The following B4GALT1 variants were observed in gnomAD, a reference collection of about 807,000 sequenced individuals.
The protein encoded by B4GALT1 is N-acetyllactosamine synthase.
Under a neutral mutation model 34.9 loss-of-function variants are expected in B4GALT1, and 16 were observed. That is an observed-to-expected ratio of 0.46 (90% CI 0.31 to 0.70). The LOEUF is 0.70. B4GALT1 is among the 30% of genes least tolerant of loss of function. The probability of loss-of-function intolerance (pLI) is 0.05; values close to 1 mark genes in which losing one functional copy is unlikely to be tolerated. For synonymous variants in B4GALT1, 221 were observed against 218.1 expected (o/e 1.01, Z -0.12); for missense variants, 445 against 530.5 (o/e 0.84, Z 1.58).
chr9:33,157,654 T>C lies in B4GALT1; in HGVS notation c.412+9104A>G, dbSNP rs76671102. On this transcript the variant is annotated intron_variant, in intron 1 of 5. Transcript: ENST00000379731. ...GCTCTGTTACAGAAGTGGGAGCATG[T>C]TCTGTTACAATGGTAAGTAGAATTT... is the stretch of plus-strand genomic sequence containing the variant. Among the ~76,000 whole-genome samples, 1,777 of 152,294 alleles carry C rather than the reference T, an allele frequency of 0.012. 58 individuals are homozygous for C. In the East Asian group the frequency reaches 0.12, roughly 10 times the overall value.
chr9:33,156,480 T>C (rs1045867936), intron 1 of B4GALT1, among the ~76,000 whole-genome samples: 1 of 152,180 alleles, frequency 6.6e-6, no homozygotes, highest in Non-Finnish European at 1.5e-5. Flanking sequence ...TCTAAAATCA[T>C]TCCATCATTT....
At chr9:33,163,411 C>A (rs545062898) in intron 1 of B4GALT1, among the ~76,000 whole-genome samples, 18 of 152,344 alleles carry the variant, frequency 1.2e-4, no homozygotes, top group African/African-American at 4.3e-4. Flanking sequence ...TGAAGAGGAT[C>A]TCCTCAAAGC....
chr9:33,108,529 G>A (rs1296621995), downstream of B4GALT1, among the ~76,000 whole-genome samples: 1 of 151,902 alleles, frequency 6.6e-6, no homozygotes, highest in Non-Finnish European at 1.5e-5. Context: ...CATGGTCACA[G>A]AATAAGAGGC....
intron 2 of B4GALT1, among the ~76,000 whole-genome samples, chr9:33,125,993 C>T (rs188360584): frequency 3.4e-4 from 51 of 152,168 alleles, no homozygotes; most frequent in Non-Finnish European, 5.7e-4. Flanking sequence ...AGCCAAGACT[C>T]GCAATGAGTC....
the B4GALT1 span, among the ~76,000 whole-genome samples, chr9:33,175,183 G>A: frequency 6.7e-6 from 1 of 149,588 alleles, no homozygotes; most frequent in South Asian, 2.1e-4. Flanking sequence ...ACATGGTGGT[G>A]CATACCTGTA....
At chr9:33,134,956 G>A (rs1489822623) in intron 2 of B4GALT1, among the ~76,000 whole-genome samples, 1 of 152,190 alleles carries the variant, frequency 6.6e-6, no homozygotes, top group African/African-American at 2.4e-5. Flanking sequence ...AACAAAAACA[G>A]AACAACGAAA....
intron 1 of B4GALT1, among the ~76,000 whole-genome samples, chr9:33,138,538 A>T (rs955314104): frequency 1.3e-5 from 2 of 152,164 alleles, no homozygotes; most frequent in Non-Finnish European, 2.9e-5. Context: ...AGAGGTGGAA[A>T]GAAGCCTTGA....
chr9:33,121,735 A>C (rs926077382), intron 2 of B4GALT1, among the ~76,000 whole-genome samples: 8 of 152,074 alleles, frequency 5.3e-5, no homozygotes, highest in Non-Finnish European at 7.4e-5. Context: ...AGTTCCTTGA[A>C]GACTGCTTCT....
Position 33,166,768 on chromosome 9 carries a change from G to GGACTCCTCAGGGCAGGCGGGCAGC in B4GALT1, c.378_401dup (p.Leu127_Ser134dup). 2 of 1,509,308 alleles carry GGACTCCTCAGGGCAGGCGGGCAGC rather than the reference G, an allele frequency of 1.3e-6. No individual in the cohort carries two copies. The highest frequency in any genetic ancestry group is 1.8e-6 in the Non-Finnish European group (2 of 1,135,884). 93.5% of individuals were successfully genotyped at this position (1,509,308 alleles called of 1,614,324 possible). A position where few individuals can be genotyped will look rare whatever the true frequency, so the allele number is the denominator to read the frequency against. The stretch of plus-strand genomic sequence containing the variant: ...GACCCGAGTCCTTACCAAGCAGCGG[G>GGACTCCTCAGGGCAGGCGGGCAGC]GACTCCTCAGGGCAGGCGGGCAGCG... On this transcript the variant is annotated inframe_insertion, in exon 1 of 6. Transcript: ENST00000379731.
chr9:33,181,263 TA>T, the B4GALT1 span, among the ~76,000 whole-genome samples: 1 of 151,852 alleles, frequency 6.6e-6, no homozygotes, highest in South Asian at 2.1e-4. Flanking sequence ...CTATTAAAAA[TA>T]AAAAAAATTA....
At chr9:33,173,591 G>GGTGTGTGTGTGT in the B4GALT1 span, among the ~76,000 whole-genome samples, 2,176 of 143,108 alleles carry the variant, frequency 0.015, 30 homozygotes, top group Non-Finnish European at 0.02. Flanking sequence ...AAATAAGAAT[G>GGTGTGTGTGTGT]GTGTGTGTGT....
Position 33,167,192 on chromosome 9 carries a change from G to A in B4GALT1, c.-23C>T. ...CATCTTCCCGCCGCCGCTTTAAGAA[G>A]GGTGTGGGCTACAGGAGGGGAGGCG... is the stretch of plus-strand genomic sequence containing the variant. On this transcript the variant is annotated 5_prime_UTR_variant, in exon 1 of 6. Transcript: ENST00000379731. The A allele has an allele frequency of 1.9e-6, 3 of 1,587,506 alleles. No individual in the cohort carries two copies. The highest frequency in any genetic ancestry group is 2.6e-6 in the Non-Finnish European group (3 of 1,169,024).
chr9:33,151,797 G>A (rs1023689789), intron 1 of B4GALT1, among the ~76,000 whole-genome samples: 11 of 152,112 alleles, frequency 7.2e-5, no homozygotes, highest in Non-Finnish European at 1.5e-4. Flanking sequence ...AAAACTCTGG[G>A]ACCTTAAAGG....
intron 1 of B4GALT1, among the ~76,000 whole-genome samples, chr9:33,156,912 AAACC>A (rs1840601681): frequency 6.6e-6 from 1 of 152,230 alleles, no homozygotes; most frequent in African/African-American, 2.4e-5. Flanking sequence ...TACTTTCTGT[AAACC>A]AACTTGGCAA....
chr9:33,168,412 T>G (rs543357278), upstream of B4GALT1, among the ~76,000 whole-genome samples: 6 of 152,176 alleles, frequency 3.9e-5, no homozygotes, highest in Non-Finnish European at 8.8e-5. Context: ...GTCAGTAATG[T>G]GGATAGGGAA....
downstream of B4GALT1, among the ~76,000 whole-genome samples, chr9:33,109,573 C>T (rs913646326): frequency 5.3e-5 from 8 of 152,148 alleles, no homozygotes; most frequent in Admixed American, 4.6e-4. Flanking sequence ...TAAGTTGTGG[C>T]GGGAGGATTG....
chr9:33,130,624 G>A (rs1347670135), intron 2 of B4GALT1, among the ~76,000 whole-genome samples: 1 of 149,214 alleles, frequency 6.7e-6, no homozygotes, highest in African/African-American at 2.5e-5. Context: ...GTGGTTAACA[G>A]CTTACTATAG....
At chr9:33,108,885 G>T (rs375456079), downstream of B4GALT1, 1 of 143,302 alleles carries the variant, frequency 7.0e-6, no homozygotes, top group African/African-American at 2.5e-5. Context: ...AGCAATAGGA[G>T]AATTTTTTGT....
chr9:33,164,220 C>G (rs1258004099), intron 1 of B4GALT1, among the ~76,000 whole-genome samples: 2 of 152,224 alleles, frequency 1.3e-5, no homozygotes, highest in Admixed American at 1.3e-4. Context: ...GGCCACAACT[C>G]TAAACCCCAC....
Sources: allele counts gnomAD v4.1 joint callset (sites outside exome capture counted in the v4.1 genomes callset), GRCh38; gene constraint gnomAD v4.1.1; transcripts MANE v1.5; gene names NCBI Gene and HGNC (gene_info 2026-07-23, HGNC 2026-07-21).